Variants in PIWIL2 observed in about 807,000 individuals in gnomAD.
The protein encoded by PIWIL2 is piwi like RNA-mediated gene silencing 2.
PIWIL2 carries 81 observed loss-of-function variants against 116.5 expected under a neutral mutation model. That is an observed-to-expected ratio of 0.70 (90% CI 0.58 to 0.84). The LOEUF (loss-of-function observed/expected upper bound fraction) is 0.84. Among genes scored for constraint, PIWIL2 ranks in the 40% least tolerant of loss-of-function variants. The pLI is 0.00. For synonymous variants in PIWIL2, 489 were observed against 429.5 expected (o/e 1.14, Z -1.71); for missense variants, 1,272 against 1,212.3 (o/e 1.05, Z -0.73).
intron 20 of PIWIL2, among the ~76,000 whole-genome samples, chr8:22,335,179 A>G (rs4872471): frequency 0.61 from 93,123 of 151,958 alleles, 30,845 homozygotes; most frequent in East Asian, 0.82. Flanking sequence ...TACAAAATAC[A>G]GAGTAATGGA....
chr8:22,282,669 C>G (rs922703029), intron 4 of PIWIL2, among the ~76,000 whole-genome samples: 3 of 152,006 alleles, frequency 2.0e-5, no homozygotes, highest in Non-Finnish European at 4.4e-5. Flanking sequence ...CAGCTCACTG[C>G]AGCCTCGACC....
At chr8:22,284,345 G>A in intron 6 of PIWIL2, 73 bp downstream of exon 6, 2 of 750,524 alleles carry the variant, frequency 2.7e-6, no homozygotes, top group South Asian at 1.7e-5. Context: ...TGGAATAACT[G>A]AATATTGTCC....
In PIWIL2 at chr8:22,310,003, A is replaced by T. The variant is rs746924462; in HGVS notation, c.1729A>T (p.Asn577Tyr). 1.2e-6 allele frequency: 2 copies of T among 1,611,976 alleles called. No homozygotes were observed. The highest frequency in any genetic ancestry group is 3.3e-5 in the Admixed American group (2 of 60,012). ...VLPMERINLK[N>Y]TSFITSQELN... ...GCCAATGGAAAGAATTAACTTAAAAAATACTTCGTTTATCACATCTCAGGA... is the reference window on the plus strand; with the variant it reads ...GCCAATGGAAAGAATTAACTTAAAATATACTTCGTTTATCACATCTCAGGA... Residue 577 changes from asparagine to tyrosine, a missense_variant, in exon 15 of 23, where the codon AAT becomes TAT. Physicochemically the swap from Asn to Tyr is moderately radical, Grantham distance 143. Transcript: ENST00000356766.
intron 16 of PIWIL2, among the ~76,000 whole-genome samples, chr8:22,311,767 C>G (rs1024508421): frequency 1.3e-5 from 2 of 150,284 alleles, no homozygotes; most frequent in Non-Finnish European, 2.9e-5. Flanking sequence ...GCACTCACAA[C>G]TTAGTTATTC....
At chr8:22,342,577 A>G (rs772341650) in intron 20 of PIWIL2, among the ~76,000 whole-genome samples, 7 of 152,234 alleles carry the variant, frequency 4.6e-5, no homozygotes, top group African/African-American at 7.2e-5. Context: ...CCTGCATGCA[A>G]AAAACTCTAT....
At position 22,355,795 on chromosome 8, in the gene PIWIL2, C is replaced by A. The variant is rs113813799; in HGVS notation, c.*290C>A. On this transcript the variant is annotated 3_prime_UTR_variant, in exon 23 of 23. Coordinates refer to ENST00000356766, the MANE Select transcript of PIWIL2 (RefSeq NM_018068.5). ...TGGGGGACCATTAAGACCTCCAGACCGGGTGCGGTGGTTCACACCTGTAAT... is the reference window on the plus strand; with the variant it reads ...TGGGGGACCATTAAGACCTCCAGACAGGGTGCGGTGGTTCACACCTGTAAT... The A allele has an allele frequency of 2.1e-3, 771 of 359,586 alleles. 10 individuals are homozygous for A. The highest frequency in any genetic ancestry group is 0.014 in the African/African-American group (683 of 48,852). 22.3% of individuals were successfully genotyped at this position (359,586 alleles called of 1,614,324 possible).
chr8:22,279,237 C>T (rs1020132118), intron 1 of PIWIL2, 104 bp from the exon 2 acceptor site: 33 of 638,766 alleles, frequency 5.2e-5, no homozygotes, highest in East Asian at 2.5e-4. Context: ...GAAGGCTAGG[C>T]GTGTTACTGG....
intron 20 of PIWIL2, among the ~76,000 whole-genome samples, chr8:22,341,393 C>G (rs1832105735): frequency 6.6e-6 from 1 of 151,716 alleles, no homozygotes; most frequent in Admixed American, 6.6e-5. Flanking sequence ...GTCAGGAGTT[C>G]AAGACCAGCC....
chr8:22,344,469 T>C (rs948053674), intron 20 of PIWIL2, among the ~76,000 whole-genome samples: 1 of 152,220 alleles, frequency 6.6e-6, no homozygotes, highest in Non-Finnish European at 1.5e-5. Flanking sequence ...TTCTATTGCC[T>C]CAGGTTTTTT....
chr8:22,343,411 G>A (rs1470515095), intron 20 of PIWIL2, among the ~76,000 whole-genome samples: 1 of 151,846 alleles, frequency 6.6e-6, no homozygotes, highest in Non-Finnish European at 1.5e-5. Flanking sequence ...CTCCAGCCTG[G>A]GCAGCAAGAG....
At chr8:22,305,776 C>T (rs1831161295) in intron 12 of PIWIL2, 151 bp from the exon 13 acceptor site, 1 of 628,232 alleles carries the variant, frequency 1.6e-6, no homozygotes, top group African/African-American at 1.8e-5. Flanking sequence ...ATACTTCTAG[C>T]ATTTCACTGC....
At position 22,314,375 on chromosome 8, in the gene PIWIL2, T is replaced by A. The variant is rs1401276602; in HGVS notation, c.2037T>A (p.Asp679Glu). The change falls in exon 17 of 23, where the codon GAT (aspartate) becomes GAA (glutamate). Residue 679 changes from aspartate (D) to glutamate (E), a missense_variant. Coordinates refer to ENST00000356766, the MANE Select transcript of PIWIL2 (RefSeq NM_018068.5). ...GCATCATCATGGGCCCACGTGATGATCTCTATGGGGCCATCAAGAAGCTGT... is the reference window on the plus strand; with the variant it reads ...GCATCATCATGGGCCCACGTGATGAACTCTATGGGGCCATCAAGAAGCTGT... ...VVCIIMGPRD[D>E]LYGAIKKLCC... 4 of 1,584,728 alleles carry A rather than the reference T, an allele frequency of 2.5e-6. No individual in the cohort carries two copies. Among genetic ancestry groups the A allele is most frequent in the East Asian group, 4.6e-5 (2 of 43,190 alleles).
chr8:22,323,283 G>T (rs925704183), intron 20 of PIWIL2, among the ~76,000 whole-genome samples: 5 of 151,978 alleles, frequency 3.3e-5, no homozygotes, highest in Non-Finnish European at 7.4e-5. Context: ...GAGTAGCTGG[G>T]ACTATAGGCG....
Position 22,276,989 on chromosome 8 carries a change from G to A in PIWIL2, c.-47+1591G>A, listed in dbSNP as rs75994466. 9.6e-3 allele frequency among the ~76,000 whole-genome samples: 1,457 copies of A among 151,918 alleles called. 28 individuals carry two copies. The highest frequency in any genetic ancestry group is 0.033 in the African/African-American group (1,377 of 41,412). On this transcript the variant is annotated intron_variant, in intron 1 of 22. Coordinates refer to ENST00000356766, the MANE Select transcript of PIWIL2 (RefSeq NM_018068.5). ...ACAATGAGAGGAGCCCCTTAAAGAG[G>A]GAGTCTTGAAATCTGTAGGTTATAA... is the stretch of plus-strand genomic sequence containing the variant.
At chr8:22,316,392 T>C in intron 19 of PIWIL2, 59 bp downstream of exon 19, 2 of 974,476 alleles carry the variant, frequency 2.1e-6, no homozygotes, top group Non-Finnish European at 3.3e-6. Context: ...CCTAATCTTA[T>C]TATAAATCCA....
intron 2 of PIWIL2, among the ~76,000 whole-genome samples, chr8:22,280,566 T>A (rs959625951): frequency 6.6e-6 from 1 of 152,216 alleles, no homozygotes; most frequent in African/African-American, 2.4e-5. Flanking sequence ...TTGACTCAAA[T>A]GAATTGCTTG....
intron 10 of PIWIL2, among the ~76,000 whole-genome samples, chr8:22,296,985 CT>C (rs918103321): frequency 8.7e-5 from 13 of 148,586 alleles, no homozygotes; most frequent in South Asian, 4.3e-4. Flanking sequence ...ACATTCTTTC[CT>C]TTTTTTTTTA....
At chr8:22,275,836 C>T (rs893742044) in intron 1 of PIWIL2, 1 of 152,376 alleles carries the variant, frequency 6.6e-6, no homozygotes, top group African/African-American at 2.4e-5. Flanking sequence ...CCAGCCCGTC[C>T]TGGGTTCGCT....
At chr8:22,296,515 T>C (rs1830911334) in intron 10 of PIWIL2, among the ~76,000 whole-genome samples, 1 of 152,250 alleles carries the variant, frequency 6.6e-6, no homozygotes, top group Admixed American at 6.5e-5. Flanking sequence ...TGTCTTTAGC[T>C]TACAAAGTAG....
Sources: gnomAD v4.1 joint callset for allele counts (sites outside exome capture counted in the v4.1 genomes callset) on GRCh38, gnomAD v4.1.1 for gene constraint, MANE v1.5 for transcripts, NCBI Gene and HGNC (gene_info 2026-07-23, HGNC 2026-07-21) for gene names.